The following LARP1 variants were observed in gnomAD, a reference collection of about 807,000 sequenced individuals.
LARP1 encodes the protein La ribonucleoprotein 1, translational regulator, also known as la-related protein 1.
LARP1 carries 36 observed loss-of-function variants against 122.7 expected under a neutral mutation model. The observed-to-expected ratio is 0.29, with a 90% confidence interval of 0.22 to 0.39. The LOEUF (loss-of-function observed/expected upper bound fraction) is 0.39. LARP1 is among the 10% of genes least tolerant of loss of function. LARP1 has a pLI of 1.00. For missense variants in LARP1, 1,040 were observed against 1,403.6 expected, an observed-to-expected ratio of 0.74 and a Z score of 4.14; for synonymous variants, 539 against 528.7, an observed-to-expected ratio of 1.02 and a Z score of -0.27.
upstream of LARP1, among the ~76,000 whole-genome samples, chr5:154,709,794 C>T (rs1384369914): frequency 2.0e-5 from 3 of 151,972 alleles, no homozygotes; most frequent in Non-Finnish European, 4.4e-5. Flanking sequence ...CCAGATGCAG[C>T]TTAATTGTCA....
At chr5:154,688,040 C>T (rs1754018242) in intron 1 of LARP1, among the ~76,000 whole-genome samples, 2 of 152,146 alleles carry the variant, frequency 1.3e-5, no homozygotes, top group Admixed American at 6.6e-5. Flanking sequence ...AGTAGGTGTA[C>T]AAATGAGTGA....
At chr5:154,745,388 C>G (rs901479769) in intron 1 of LARP1, among the ~76,000 whole-genome samples, 1 of 152,196 alleles carries the variant, frequency 6.6e-6, no homozygotes, top group Admixed American at 6.5e-5. Context: ...TCTCCTAACT[C>G]TATGCCAGTG....
At chr5:154,721,444 T>C (rs1755862692) in intron 1 of LARP1, among the ~76,000 whole-genome samples, 1 of 151,014 alleles carries the variant, frequency 6.6e-6, no homozygotes, top group Non-Finnish European at 1.5e-5. Flanking sequence ...TCATATGACA[T>C]AAAGGAAAGC....
At chr5:154,780,928 T>G (rs1756371537) in intron 1 of LARP1, among the ~76,000 whole-genome samples, 1 of 152,242 alleles carries the variant, frequency 6.6e-6, no homozygotes, top group Non-Finnish European at 1.5e-5. Context: ...ACAGGCTTGG[T>G]GGCTCGCGCC....
Position 154,803,823 on chromosome 5 carries a change from C to G in LARP1, c.2439+78C>G. 7.2e-7 allele frequency: 1 copy of G among 1,395,120 alleles called. No individual in the cohort carries two copies. Among genetic ancestry groups the G allele is most frequent in the South Asian group, 1.2e-5 (1 of 83,392 alleles). 86.4% of individuals were successfully genotyped at this position (1,395,120 alleles called of 1,614,324 possible). Reference sequence around the variant, plus strand: ...CCAGTGCTTTGCTTCTCTCCCTTGCCTTGTCTGAGCTAAGGAAGTGCTAAA... The same window carrying G: ...CCAGTGCTTTGCTTCTCTCCCTTGCGTTGTCTGAGCTAAGGAAGTGCTAAA... On this transcript the variant is annotated intron_variant, in intron 13 of 18. Transcript: ENST00000518297. The surrounding 1 kb of genome is among the most constrained non-coding windows in gnomAD (Gnocchi z 4.4).
chr5:154,796,986 G>T (rs1358331487), intron 8 of LARP1, among the ~76,000 whole-genome samples: 1 of 152,080 alleles, frequency 6.6e-6, no homozygotes, highest in African/African-American at 2.4e-5. Context: ...TAATGGATTG[G>T]ATCAAATTGT....
chr5:154,793,912 T>C lies in LARP1; in HGVS notation c.981T>C (p.Ser327=), dbSNP rs1456629497. ...AGGATGAGACATCGAGTGTGAAGAG[T>C]GATGGGGCTGGTGGGGCGCGGGCTT... ...HDQDETSSVK[S]DGAGGARASF... The change falls in exon 6 of 19, where the codon AGT becomes AGC. Residue 327 remains serine, a synonymous_variant. Coordinates refer to ENST00000518297, the MANE Select transcript of LARP1 (RefSeq NM_033551.3). 1.9e-6 allele frequency: 3 copies of C among 1,613,040 alleles called. No homozygotes were observed. The highest frequency in any genetic ancestry group is 2.5e-6 in the Non-Finnish European group (3 of 1,179,774).
intron 15 of LARP1, among the ~76,000 whole-genome samples, chr5:154,806,426 A>G (rs1197559184): frequency 6.6e-6 from 1 of 152,226 alleles, no homozygotes; most frequent in Non-Finnish European, 1.5e-5. Flanking sequence ...AGTCAAATCC[A>G]GCCAGTATTC....
At chr5:154,691,130 C>G (rs544634138) in intron 1 of LARP1, among the ~76,000 whole-genome samples, 82 of 151,752 alleles carry the variant, frequency 5.4e-4, no homozygotes, top group African/African-American at 1.9e-3. Flanking sequence ...GGCGTGGTGG[C>G]GGGCGCCTGT....
chr5:154,803,390 C>T lies in LARP1; in HGVS notation c.2210C>T (p.Pro737Leu). ...PPVDPNQEVP[P>L]GPPRFQQVPT... ...GTGGATCCCAACCAGGAAGTTCCTC[C>T]TGGGCCACCTCGGTTCCAGCAAGGT... The change falls in exon 12 of 19, where the codon CCT (proline) becomes CTT (leucine). Residue 737 changes from proline to leucine, a missense_variant. This residue lies in a region of LARP1 where 362 missense variants were observed against 533.1 expected (regional missense o/e 0.68). Coordinates refer to ENST00000518297, the MANE Select transcript of LARP1 (RefSeq NM_033551.3). This position sits in a 1 kb window ranked among gnomAD's most constrained non-coding sequence, Gnocchi z 4.4. 1 of 1,614,152 alleles carries T rather than the reference C, an allele frequency of 6.2e-7. No individual in the cohort carries two copies. The highest frequency in any genetic ancestry group is 8.5e-7 in the Non-Finnish European group (1 of 1,180,012).
chr5:154,708,912 A>G (rs1228023817), upstream of LARP1, among the ~76,000 whole-genome samples: 1 of 152,152 alleles, frequency 6.6e-6, no homozygotes, highest in African/African-American at 2.4e-5. Flanking sequence ...CGCCTGGCCT[A>G]CAATGTTGTT....
chr5:154,809,547 T>C (rs1278650232), intron 16 of LARP1, among the ~76,000 whole-genome samples: 4 of 152,164 alleles, frequency 2.6e-5, no homozygotes, highest in Admixed American at 2.0e-4. Flanking sequence ...AGACTTTGTA[T>C]GCATGTGTAG....
At chr5:154,744,187 A>G (rs1172689681) in intron 1 of LARP1, among the ~76,000 whole-genome samples, 1 of 152,144 alleles carries the variant, frequency 6.6e-6, no homozygotes, top group African/African-American at 2.4e-5. Flanking sequence ...ATGCTAAAAC[A>G]ATCTGCCCTA....
Position 154,794,254 on chromosome 5 carries a change from G to C in LARP1, c.1224G>C (p.Lys408Asn). Residue 408 changes from lysine to asparagine, a missense_variant, in exon 7 of 19, where the codon AAG becomes AAC. Transcript: ENST00000518297. The part of the protein sequence containing the change: ...VDQELLKDYI[K>N]RQIEYYFSVD... ...AGGAACTGCTCAAAGACTACATCAA[G>C]CGCCAGATGTGAGTGTGCGGAAGCC... is the stretch of plus-strand genomic sequence containing the variant. The C allele has an allele frequency of 6.2e-7, 1 of 1,614,054 alleles. No individual in the cohort carries two copies. Among genetic ancestry groups the C allele is most frequent in the Non-Finnish European group, 8.5e-7 (1 of 1,179,944 alleles).
At chr5:154,788,103 GA>G (rs1473736170) in intron 1 of LARP1, among the ~76,000 whole-genome samples, 1 of 152,230 alleles carries the variant, frequency 6.6e-6, no homozygotes, top group African/African-American at 2.4e-5. Context: ...GGTACTGGGA[GA>G]AGTGATTACC....
At chr5:154,730,629 T>G (rs1022074105) in intron 1 of LARP1, among the ~76,000 whole-genome samples, 2 of 152,086 alleles carry the variant, frequency 1.3e-5, no homozygotes, top group African/African-American at 4.8e-5. Context: ...CATGCCACCA[T>G]GCCTGGCTAG....
intron 1 of LARP1, among the ~76,000 whole-genome samples, chr5:154,685,215 G>C (rs1753871327): frequency 6.6e-6 from 1 of 151,254 alleles, no homozygotes; most frequent in Admixed American, 6.6e-5. Context: ...CTGCACTCCA[G>C]CCTGGGTGAC....
In LARP1 at chr5:154,755,412, G is replaced by C. The variant is rs1166264419; in HGVS notation, c.-346G>C. Among the ~76,000 whole-genome samples the C allele has an allele frequency of 1.3e-5, 2 of 151,140 alleles. No homozygotes were observed. The highest frequency in any genetic ancestry group is 4.1e-4 in the South Asian group (2 of 4,824). ...CTGCAGCCCCCGAGCCGGGAAGCCC[G>C]GGCCGCCCCGGGGGCGGGGGGGAGG... On this transcript the variant is annotated 5_prime_UTR_variant, in exon 1 of 19. Transcript: ENST00000518297.
At chr5:154,763,843 CAA>C (rs57607523) in intron 1 of LARP1, among the ~76,000 whole-genome samples, 1 of 140,764 alleles carries the variant, frequency 7.1e-6, no homozygotes, top group Non-Finnish European at 1.6e-5. Flanking sequence ...CCATCTCTTA[CAA>C]AAAAAAAAAA....
Sources: gnomAD v4.1 joint callset for allele counts (sites outside exome capture counted in the v4.1 genomes callset) on GRCh38, gnomAD v4.1.1 for gene constraint, gnomAD v4.1.1 regional missense constraint, Gnocchi (gnomAD v3.1) non-coding constraint, MANE v1.5 for transcripts, NCBI Gene and HGNC (gene_info 2026-07-23, HGNC 2026-07-21) for gene names.